The following RSRC1 variants were observed in gnomAD, a reference collection of about 807,000 sequenced individuals.
The protein encoded by RSRC1 is serine/Arginine-related protein 53.
In RSRC1, 39 loss-of-function variants were observed where a neutral mutation model predicts 49.1. The observed-to-expected ratio is 0.79, with a 90% confidence interval of 0.61 to 1.04. RSRC1 has a LOEUF of 1.04. RSRC1 is among the 50% of genes least tolerant of loss of function. The pLI, the probability that RSRC1 is intolerant of heterozygous loss-of-function variation, is 0.00. For missense variants in RSRC1, 388 were observed against 402.4 expected (o/e 0.96, Z 0.31); for synonymous variants, 143 against 130.8 (o/e 1.09, Z -0.63).
At chr3:158,135,443 T>G (rs1025677394) in intron 3 of RSRC1, among the ~76,000 whole-genome samples, 5 of 151,576 alleles carry the variant, frequency 3.3e-5, no homozygotes, top group Non-Finnish European at 7.4e-5. Context: ...CTATTTTTTT[T>G]TTTTTTTTGA....
chr3:158,483,970 T>C (rs1015753408), intron 7 of RSRC1, among the ~76,000 whole-genome samples: 2 of 152,138 alleles, frequency 1.3e-5, no homozygotes, highest in African/African-American at 4.8e-5. Context: ...TGAAACTCCA[T>C]GTGTCTCACT....
At chr3:158,260,429 C>T (rs543564273) in intron 4 of RSRC1, among the ~76,000 whole-genome samples, 75 of 152,180 alleles carry the variant, frequency 4.9e-4, no homozygotes, top group Non-Finnish European at 7.1e-4. Flanking sequence ...GAGTTGGTAT[C>T]CCAGTTGCAA....
intron 6 of RSRC1, among the ~76,000 whole-genome samples, chr3:158,378,687 T>G (rs1732519318): frequency 6.6e-6 from 1 of 152,198 alleles, no homozygotes; most frequent in Non-Finnish European, 1.5e-5. Context: ...TCTGCCTTTC[T>G]CTGATTCTCT....
At chr3:158,257,256 G>A (rs1213361991) in intron 4 of RSRC1, among the ~76,000 whole-genome samples, 1 of 152,042 alleles carries the variant, frequency 6.6e-6, no homozygotes, top group African/African-American at 2.4e-5. Context: ...GTGTCCCAGA[G>A]GTTCTGGTAC....
chr3:158,204,350 AC>A lies in RSRC1; in HGVS notation c.494+1106del, dbSNP rs1173339669. On this transcript the variant is annotated intron_variant, in intron 4 of 9. Transcript: ENST00000611884. ...TTGTGGTGGAGTTTGGAAGAGGATA[AC>A]ATATTATTATGTGACTTTTGTTCAC... 9.2e-5 allele frequency among the ~76,000 whole-genome samples: 14 copies of A among 152,274 alleles called. No homozygotes were observed. The East Asian group carries it at 2.7e-3, about 29-fold the overall frequency.
chr3:158,243,302 G>A (rs1723702169), intron 4 of RSRC1, among the ~76,000 whole-genome samples: 1 of 152,148 alleles, frequency 6.6e-6, no homozygotes, highest in African/African-American at 2.4e-5. Flanking sequence ...TTATTAAATA[G>A]GGAATCCTTT....
At chr3:158,209,713 A>C (rs1462099374) in intron 4 of RSRC1, among the ~76,000 whole-genome samples, 1 of 152,104 alleles carries the variant, frequency 6.6e-6, no homozygotes, top group Non-Finnish European at 1.5e-5. Flanking sequence ...GTATTTATAC[A>C]TTCTTCCATT....
intron 4 of RSRC1, among the ~76,000 whole-genome samples, chr3:158,294,527 C>G (rs1447314213): frequency 6.6e-6 from 1 of 151,072 alleles, no homozygotes; most frequent in African/African-American, 2.4e-5. Context: ...GTGGGTTCAT[C>G]TTTTTTTTTC....
chr3:158,359,536 G>C (rs919994769), intron 6 of RSRC1, among the ~76,000 whole-genome samples: 2 of 152,150 alleles, frequency 1.3e-5, no homozygotes, highest in African/African-American at 4.8e-5. Flanking sequence ...CCAGCTCTCT[G>C]AGAGGCTGCA....
chr3:158,403,148 C>CTA (rs1485774120), intron 6 of RSRC1, among the ~76,000 whole-genome samples: 2 of 151,728 alleles, frequency 1.3e-5, no homozygotes, highest in Non-Finnish European at 3.0e-5. Flanking sequence ...TGACAGAGCT[C>CTA]TACAATAACA....
At chr3:158,186,159 C>G (rs1465766371) in intron 3 of RSRC1, among the ~76,000 whole-genome samples, 2 of 151,870 alleles carry the variant, frequency 1.3e-5, no homozygotes, top group Admixed American at 6.6e-5. Flanking sequence ...GCCTTTAGAT[C>G]TTCTGTCACT....
intron 8 of RSRC1, among the ~76,000 whole-genome samples, chr3:158,538,767 G>A (rs957872322): frequency 6.6e-6 from 1 of 151,890 alleles, no homozygotes; most frequent in Non-Finnish European, 1.5e-5. Flanking sequence ...TCATAAGGTG[G>A]CATTTATCTT....
At chr3:158,437,360 G>T (rs1736106731) in intron 6 of RSRC1, among the ~76,000 whole-genome samples, 1 of 152,032 alleles carries the variant, frequency 6.6e-6, no homozygotes, top group Admixed American at 6.6e-5. Context: ...GCACTGGGCT[G>T]AGTTTTGAGG....
At chr3:158,238,347 A>G (rs990901645) in intron 4 of RSRC1, among the ~76,000 whole-genome samples, 12 of 152,130 alleles carry the variant, frequency 7.9e-5, no homozygotes, top group Non-Finnish European at 1.8e-4. Flanking sequence ...GACTTTCTTC[A>G]CAGAATTGGA....
rs150887782 is a variant in RSRC1 at position 158,124,195 on chromosome 3, T to C, written c.320+204T>C. Among the ~76,000 whole-genome samples, 342 of 152,334 alleles carry C rather than the reference T, an allele frequency of 2.2e-3. 1 individual carries two copies. The Middle Eastern group carries it at 0.041, about 18-fold the overall frequency. On this transcript the variant is annotated intron_variant, in intron 3 of 9. Transcript: ENST00000611884. The stretch of plus-strand genomic sequence containing the variant: ...GGATGGTCTAATGTGGCCTCACTCA[T>C]ATATCTTGCATTTGGTTCTGGCTAT...
In RSRC1 at chr3:158,243,430, G is replaced by A. The variant is rs1466785754; in HGVS notation, c.494+40185G>A. ...GTGTCTGTTTTTGTAACAGTACCAT[G>A]CTATTTTGGTTACTGTAGCCTTGTA... is the stretch of plus-strand genomic sequence containing the variant. On this transcript the variant is annotated intron_variant, in intron 4 of 9. Coordinates refer to ENST00000611884, the MANE Select transcript of RSRC1 (RefSeq NM_001271838.2). Among the ~76,000 whole-genome samples, 2 of 152,142 alleles carry A rather than the reference G, an allele frequency of 1.3e-5. 1 individual carries two copies. The highest frequency in any genetic ancestry group is 4.8e-5 in the African/African-American group (2 of 41,430).
At chr3:158,520,169 T>C (rs1711579398) in intron 7 of RSRC1, among the ~76,000 whole-genome samples, 1 of 152,140 alleles carries the variant, frequency 6.6e-6, no homozygotes, top group South Asian at 2.1e-4. Context: ...CTTCCACTTT[T>C]CCAAATTTAA....
chr3:158,206,406 G>A (rs1721345598), intron 4 of RSRC1, among the ~76,000 whole-genome samples: 1 of 152,134 alleles, frequency 6.6e-6, no homozygotes, highest in South Asian at 2.1e-4. Flanking sequence ...GGAGGCATCA[G>A]GATGTGTGTG....
At chr3:158,228,036 C>T (rs1053619093) in intron 4 of RSRC1, among the ~76,000 whole-genome samples, 10 of 152,074 alleles carry the variant, frequency 6.6e-5, no homozygotes, top group East Asian at 1.9e-4. Flanking sequence ...TTTTATCATA[C>T]TTCCCCAACA....
Sources: allele counts gnomAD v4.1 joint callset (sites outside exome capture counted in the v4.1 genomes callset), GRCh38; gene constraint gnomAD v4.1.1; transcripts MANE v1.5; gene names NCBI Gene and HGNC (gene_info 2026-07-23, HGNC 2026-07-21).